The following MEIS2 variants were observed in gnomAD, a reference collection of about 807,000 sequenced individuals.
The protein encoded by MEIS2 is Meis homeobox 2, also known as homeobox protein Meis2.
Under a neutral mutation model 58.6 loss-of-function variants are expected in MEIS2, and 9 were observed. The observed-to-expected ratio is 0.15, with a 90% CI of 0.09 to 0.27. MEIS2 has a LOEUF of 0.27. Among genes scored for constraint, MEIS2 ranks in the 10% least tolerant of loss-of-function variants. MEIS2 has a pLI of 1.00. For missense variants in MEIS2, 427 were observed against 635.0 expected, an observed-to-expected ratio of 0.67 and a Z score of 3.52; for synonymous variants, 221 against 228.4, an observed-to-expected ratio of 0.97 and a Z score of 0.29.
intron 7 of MEIS2, among the ~76,000 whole-genome samples, chr15:37,064,035 G>A (rs574282472): frequency 6.6e-6 from 1 of 152,196 alleles, no homozygotes; most frequent in Admixed American, 6.5e-5. Flanking sequence ...ATTTTATGGT[G>A]GGTTAAGTAA....
intron 7 of MEIS2, among the ~76,000 whole-genome samples, chr15:37,051,944 A>G (rs1408482922): frequency 6.6e-6 from 1 of 151,920 alleles, no homozygotes; most frequent in African/African-American, 2.4e-5. Context: ...ATGTCATTAT[A>G]AGATATATTG....
intron 7 of MEIS2, among the ~76,000 whole-genome samples, chr15:37,043,922 A>G (rs1258683857): frequency 2.6e-5 from 4 of 151,942 alleles, no homozygotes; most frequent in Non-Finnish European, 5.9e-5. Context: ...TCTTGACCTC[A>G]TGATCTGCCC....
chr15:36,922,942 GT>G, intron 9 of MEIS2, among the ~76,000 whole-genome samples: 1 of 152,042 alleles, frequency 6.6e-6, no homozygotes, highest in South Asian at 2.1e-4. Context: ...TCTACGCAGT[GT>G]TTTTAGTTAT....
intron 8 of MEIS2, among the ~76,000 whole-genome samples, chr15:37,031,700 C>T (rs1277531566): frequency 7.9e-5 from 12 of 152,066 alleles, no homozygotes; most frequent in Non-Finnish European, 1.5e-4. Flanking sequence ...GGCTTCACCC[C>T]TCTCCCCAAC....
rs532944021 is a variant in MEIS2 at position 36,956,327 on chromosome 15, G to C, written c.901-5927C>G. Among the ~76,000 whole-genome samples the C allele has an allele frequency of 5.3e-5, 8 of 152,074 alleles. No homozygotes were observed. The South Asian group carries it at 1.7e-3, about 32-fold the overall frequency. On this transcript the variant is annotated intron_variant, in intron 8 of 11. Coordinates refer to ENST00000561208, the MANE Select transcript of MEIS2 (RefSeq NM_170675.5). ...AGGTCATATAAATTGGCTTTGGTAA[G>C]AGTTGGGATAACCACCTGCTATCCT...
chr15:37,047,150 A>T (rs931825674), intron 7 of MEIS2, among the ~76,000 whole-genome samples: 3 of 152,148 alleles, frequency 2.0e-5, no homozygotes, highest in Non-Finnish European at 2.9e-5. Flanking sequence ...GGGCACTCTA[A>T]TGATTCATTT....
Position 37,050,515 on chromosome 15 carries a change from C to G in MEIS2, c.755-13556G>C, listed in dbSNP as rs190150390. Among the ~76,000 whole-genome samples, 228 of 152,270 alleles carry G rather than the reference C, an allele frequency of 1.5e-3. 1 individual carries two copies. The highest frequency in any genetic ancestry group is 5.2e-3 in the African/African-American group (217 of 41,556). Reference sequence around the variant, plus strand: ...AGGCATTAACTTGTAAGATACACTCCATGGAAGAAGCAACTTTATTGAAAC... The same window carrying G: ...AGGCATTAACTTGTAAGATACACTCGATGGAAGAAGCAACTTTATTGAAAC... On this transcript the variant is annotated intron_variant, in intron 7 of 11. Transcript: ENST00000561208.
chr15:36,960,183 T>C (rs909302310), intron 8 of MEIS2, among the ~76,000 whole-genome samples: 1 of 152,132 alleles, frequency 6.6e-6, no homozygotes, highest in African/African-American at 2.4e-5. Flanking sequence ...GAAGGTCTAG[T>C]TGGACAACAG....
intron 9 of MEIS2, among the ~76,000 whole-genome samples, chr15:36,912,636 G>C (rs1425799470): frequency 1.3e-5 from 2 of 152,136 alleles, no homozygotes; most frequent in African/African-American, 4.8e-5. Flanking sequence ...AGTCTCAGGG[G>C]CCTTGCAATG....
intron 9 of MEIS2, among the ~76,000 whole-genome samples, chr15:36,923,198 G>A (rs1246445732): frequency 2.0e-5 from 3 of 152,278 alleles, no homozygotes; most frequent in African/African-American, 4.8e-5. Flanking sequence ...CCTGAATTAA[G>A]GCCATTGTAC....
At chr15:36,922,772 C>T (rs1595731177) in intron 9 of MEIS2, among the ~76,000 whole-genome samples, 1 of 151,698 alleles carries the variant, frequency 6.6e-6, no homozygotes, top group Non-Finnish European at 1.5e-5. Context: ...CCACCACACC[C>T]GCCTAATATT....
intron 8 of MEIS2, among the ~76,000 whole-genome samples, chr15:37,031,443 G>GTGTGTT (rs958155960): frequency 6.6e-6 from 1 of 151,750 alleles, no homozygotes; most frequent in Non-Finnish European, 1.5e-5. Flanking sequence ...GTGTGTGTGT[G>GTGTGTT]TGTGTACATT....
intron 8 of MEIS2, among the ~76,000 whole-genome samples, chr15:36,993,945 A>ACCTC (rs2060385276): frequency 6.6e-6 from 1 of 152,278 alleles, no homozygotes; most frequent in Admixed American, 6.5e-5. Flanking sequence ...CAAACCAGCT[A>ACCTC]CCTCCATAAG....
upstream of MEIS2, chr15:37,100,840 A>C (rs1895035241): frequency 6.6e-6 from 1 of 151,330 alleles, no homozygotes; most frequent in Non-Finnish European, 1.5e-5. Flanking sequence ...AACCACAGGG[A>C]AAGTACGGTA....
chr15:36,985,991 G>C (rs1004331377), intron 8 of MEIS2, among the ~76,000 whole-genome samples: 3 of 152,100 alleles, frequency 2.0e-5, no homozygotes, highest in African/African-American at 7.2e-5. Context: ...GATTCTATTG[G>C]TATTAGTTTC....
chr15:36,942,076 T>G (rs2058396026), intron 9 of MEIS2, among the ~76,000 whole-genome samples: 1 of 152,150 alleles, frequency 6.6e-6, no homozygotes, highest in African/African-American at 2.4e-5. Flanking sequence ...ATGTTTACCT[T>G]GCAAAGGAAA....
intron 8 of MEIS2, among the ~76,000 whole-genome samples, chr15:36,980,750 T>G (rs573138818): frequency 6.6e-6 from 1 of 152,174 alleles, no homozygotes; most frequent in East Asian, 1.9e-4. Flanking sequence ...TCAAATGACA[T>G]AATCCATTTT....
At chr15:36,954,656 C>T (rs1310784963) in intron 8 of MEIS2, among the ~76,000 whole-genome samples, 3 of 152,008 alleles carry the variant, frequency 2.0e-5, no homozygotes, top group Non-Finnish European at 2.9e-5. Flanking sequence ...TACCTTCCTA[C>T]CCTGTAAGTC....
chr15:37,021,808 C>G (rs1169216152), intron 8 of MEIS2, among the ~76,000 whole-genome samples: 3 of 152,106 alleles, frequency 2.0e-5, no homozygotes, highest in Admixed American at 1.3e-4. Context: ...TCTCCCTACC[C>G]AAGGATAATC....
Sources: gnomAD v4.1 joint callset for allele counts (sites outside exome capture counted in the v4.1 genomes callset) on GRCh38, gnomAD v4.1.1 for gene constraint, MANE v1.5 for transcripts, NCBI Gene and HGNC (gene_info 2026-07-23, HGNC 2026-07-21) for gene names.